TENM1: variants seen among roughly 807,000 people sequenced by gnomAD.
The protein encoded by TENM1 is teneurin transmembrane protein 1, also known as teneurin-1.
Under a neutral mutation model 174.8 loss-of-function variants are expected in TENM1, and 35 were observed. The observed-to-expected ratio is 0.20, with a 90% confidence interval of 0.15 to 0.27. The LOEUF is 0.27. TENM1 is among the 10% of genes least tolerant of loss of function. The probability of loss-of-function intolerance (pLI) is 1.00; values close to 1 mark genes in which losing one functional copy is unlikely to be tolerated. For missense variants in TENM1, 1,633 were observed against 2,130.1 expected (o/e 0.77, Z 4.59); for synonymous variants, 781 against 798.7 (o/e 0.98, Z 0.37).
chrX:124,790,636 T>C (rs1366844802), intron 3 of TENM1, among the ~76,000 whole-genome samples: 3 of 112,166 alleles, frequency 2.7e-5, no homozygotes, highest in Admixed American at 9.5e-5. Flanking sequence ...CATCAAAGAC[T>C]ATTAATTTTT....
At chrX:124,526,163 T>C (rs751229360) in intron 16 of TENM1, among the ~76,000 whole-genome samples, 5 of 111,703 alleles carry the variant, frequency 4.5e-5, no homozygotes, top group Non-Finnish European at 9.4e-5. Flanking sequence ...CTATAATCAG[T>C]TGAATTTAAG....
At chrX:124,551,496 C>T (rs1209403750) in intron 14 of TENM1, among the ~76,000 whole-genome samples, 1 of 106,626 alleles carries the variant, frequency 9.4e-6, no homozygotes, top group Non-Finnish European at 1.9e-5. Context: ...AGAGGGTAGA[C>T]CTCATGTTAA....
At chrX:124,586,103 G>C (rs1218485028) in intron 11 of TENM1, among the ~76,000 whole-genome samples, 1 of 109,585 alleles carries the variant, frequency 9.1e-6, no homozygotes, top group Non-Finnish European at 1.9e-5. Context: ...AATTCTACCA[G>C]AGGTACAAGG....
the TENM1 span, among the ~76,000 whole-genome samples, chrX:125,009,248 TA>T: frequency 9.1e-6 from 1 of 109,756 alleles, no homozygotes; most frequent in African/African-American, 3.3e-5. Flanking sequence ...TAGAGAATAC[TA>T]AAAACAACTC....
the TENM1 span, among the ~76,000 whole-genome samples, chrX:125,002,738 C>A: frequency 7.2e-5 from 8 of 111,675 alleles, no homozygotes; most frequent in Non-Finnish European, 1.5e-4. Flanking sequence ...AGGAAAAAAT[C>A]AAGCAAAATA....
intron 23 of TENM1, among the ~76,000 whole-genome samples, chrX:124,446,758 G>C (rs1203660991): frequency 8.9e-6 from 1 of 112,754 alleles, no homozygotes; most frequent in Non-Finnish European, 1.9e-5. Flanking sequence ...AAGGAACCTT[G>C]AGAAAACAGT....
intron 15 of TENM1, 49 bp from the exon 19 acceptor site, chrX:124,530,032 T>C: frequency 1.7e-6 from 2 of 1,170,499 alleles, no homozygotes; most frequent in Non-Finnish European, 2.3e-6. Flanking sequence ...GAGACTAGAT[T>C]CTAGAAGTCA....
At chrX:124,495,324 T>C (rs1172434412) in intron 20 of TENM1, among the ~76,000 whole-genome samples, 1 of 110,030 alleles carries the variant, frequency 9.1e-6, no homozygotes, top group East Asian at 2.9e-4. Flanking sequence ...TTGAGAGGTG[T>C]CTGTTCATGT....
At chrX:125,150,077 G>A in the TENM1 span, among the ~76,000 whole-genome samples, 1 of 110,508 alleles carries the variant, frequency 9.0e-6, no homozygotes, top group Non-Finnish European at 1.9e-5. Context: ...CTGCTATCAA[G>A]AAATGAAAGG....
intron 5 of TENM1, among the ~76,000 whole-genome samples, chrX:124,676,073 C>T (rs1207070674): frequency 9.6e-6 from 1 of 104,314 alleles, no homozygotes; most frequent in Non-Finnish European, 2.0e-5. Flanking sequence ...ATCTTGTTAC[C>T]TCAGTACGCT....
the TENM1 span, among the ~76,000 whole-genome samples, chrX:125,193,836 A>G: frequency 9.0e-6 from 1 of 111,285 alleles, no homozygotes; most frequent in Admixed American, 9.6e-5. Context: ...CTGGAGTGCC[A>G]TGGTGCAATC....
chrX:124,445,163 G>A (rs2060952729), intron 23 of TENM1, among the ~76,000 whole-genome samples: 1 of 111,709 alleles, frequency 9.0e-6, no homozygotes, highest in Non-Finnish European at 1.9e-5. Flanking sequence ...TGATCTCATA[G>A]AATATAGATT....
At chrX:124,529,912 A>C in exon 16 of TENM1, 1 of 1,211,353 alleles carries the variant, frequency 8.3e-7, no homozygotes, top group Non-Finnish European at 1.1e-6. Flanking sequence ...GTGGTGCAAG[A>C]AACTGACATT....
the TENM1 span, among the ~76,000 whole-genome samples, chrX:125,011,338 T>C: frequency 1.8e-5 from 2 of 111,972 alleles, no homozygotes. Context: ...CAAATGGATC[T>C]AATTAAACTA....
At chrX:125,056,990 A>T in the TENM1 span, among the ~76,000 whole-genome samples, 1 of 111,798 alleles carries the variant, frequency 8.9e-6, no homozygotes, top group African/African-American at 3.2e-5. Flanking sequence ...AAACAAAAAA[A>T]AATCCACCAG....
chrX:124,644,874 T>C (rs930140727), intron 10 of TENM1, among the ~76,000 whole-genome samples: 16 of 111,421 alleles, frequency 1.4e-4, no homozygotes, highest in Non-Finnish European at 2.3e-4. Context: ...ATTCTCAACC[T>C]AGAAAATAGT....
chrX:124,491,638 T>A (rs1367980000), intron 20 of TENM1, among the ~76,000 whole-genome samples: 2 of 111,947 alleles, frequency 1.8e-5, no homozygotes, highest in African/African-American at 6.5e-5. Flanking sequence ...AATAATATTG[T>A]TTCTCTTGGC....
chrX:124,797,900 T>C (rs2036205955), intron 3 of TENM1, among the ~76,000 whole-genome samples: 1 of 110,552 alleles, frequency 9.0e-6, no homozygotes, highest in Admixed American at 9.7e-5. Flanking sequence ...CCTGTGTCCA[T>C]GTGGTCTCAT....
intron 11 of TENM1, among the ~76,000 whole-genome samples, chrX:124,592,421 TATA>T (rs1415363544): frequency 9.5e-6 from 1 of 104,949 alleles, no homozygotes; most frequent in Non-Finnish European, 1.9e-5. Context: ...ATTCTTTACC[TATA>T]ATATTATTGG....
Sources: allele counts gnomAD v4.1 joint callset (sites outside exome capture counted in the v4.1 genomes callset), GRCh38; gene constraint gnomAD v4.1.1; transcripts MANE v1.5; gene names NCBI Gene and HGNC (gene_info 2026-07-23, HGNC 2026-07-21).